GSK3B: variants seen among roughly 807,000 people sequenced by gnomAD.
The protein encoded by GSK3B is glycogen synthase kinase 3 beta.
A neutral mutation model predicts 56.4 loss-of-function variants in GSK3B; 15 were observed. That is an observed-to-expected ratio of 0.27 (90% CI 0.18 to 0.41). The LOEUF (loss-of-function observed/expected upper bound fraction) is 0.41. GSK3B is among the 10% of genes least tolerant of loss of function. The pLI is 1.00. For missense variants in GSK3B, 300 were observed against 513.4 expected (o/e 0.58, Z 4.02); for synonymous variants, 181 against 188.9 (o/e 0.96, Z 0.34).
chr3:119,829,411 T>C (rs922505894), intron 10 of GSK3B, among the ~76,000 whole-genome samples: 1 of 152,182 alleles, frequency 6.6e-6, no homozygotes, highest in Non-Finnish European at 1.5e-5. Flanking sequence ...GGTAGAACTG[T>C]CATTCTGGTC....
chr3:119,828,763 G>A (rs550742315), intron 10 of GSK3B, among the ~76,000 whole-genome samples: 2 of 152,280 alleles, frequency 1.3e-5, no homozygotes, highest in East Asian at 1.9e-4. Context: ...TTCCCGATAA[G>A]CTGCCCTTAT....
At chr3:120,042,092 G>T (rs751327437) in intron 1 of GSK3B, among the ~76,000 whole-genome samples, 1 of 152,206 alleles carries the variant, frequency 6.6e-6, no homozygotes, top group South Asian at 2.1e-4. Context: ...AGAGAAAATC[G>T]CTATTGTCTA....
chr3:119,880,263 T>C (rs1467047046), intron 7 of GSK3B, among the ~76,000 whole-genome samples: 1 of 152,238 alleles, frequency 6.6e-6, no homozygotes, highest in African/African-American at 2.4e-5. Context: ...CATCTGTATG[T>C]ATCCTTTTGA....
chr3:119,843,090 T>C lies in GSK3B; in HGVS notation c.1195+165A>G, dbSNP rs1468246693. Among the ~76,000 whole-genome samples, 9 of 152,018 alleles carry C rather than the reference T, an allele frequency of 5.9e-5. 1 individual carries two copies. The highest frequency in any genetic ancestry group is 5.2e-4 in the Admixed American group (8 of 15,264). The stretch of plus-strand genomic sequence containing the variant: ...GCCACCACACCTGGCTAAGTTTTTA[T>C]TTTTAGTAGAGACAAGGTTTCACCT... On this transcript the variant is annotated intron_variant, in intron 10 of 10. Transcript: ENST00000264235.
chr3:119,833,509 A>C (rs1484177154), intron 10 of GSK3B, among the ~76,000 whole-genome samples: 1 of 152,146 alleles, frequency 6.6e-6, no homozygotes, highest in Non-Finnish European at 1.5e-5. Flanking sequence ...ATTGACGTTA[A>C]AGATTAAAAT....
At chr3:119,918,325 T>C (rs1041468790) in intron 4 of GSK3B, among the ~76,000 whole-genome samples, 6 of 151,408 alleles carry the variant, frequency 4.0e-5, no homozygotes, top group Admixed American at 3.9e-4. Flanking sequence ...TGCAAAAAAT[T>C]AGCCGGTCTT....
intron 7 of GSK3B, among the ~76,000 whole-genome samples, chr3:119,895,638 G>A (rs941036651): frequency 6.6e-6 from 1 of 152,104 alleles, no homozygotes; most frequent in Non-Finnish European, 1.5e-5. Flanking sequence ...GGATCCAGTT[G>A]TCCAAGCACC....
intron 1 of GSK3B, among the ~76,000 whole-genome samples, chr3:120,092,111 T>C (rs879421734): frequency 2.6e-5 from 4 of 152,182 alleles, no homozygotes; most frequent in African/African-American, 4.8e-5. Context: ...GGAAACAATA[T>C]AGATATTTTT....
At chr3:120,057,178 G>A (rs984839809) in intron 1 of GSK3B, among the ~76,000 whole-genome samples, 8 of 151,950 alleles carry the variant, frequency 5.3e-5, no homozygotes, top group Non-Finnish European at 1.2e-4. Context: ...AAGAACCTTC[G>A]AACTTACTAG....
At chr3:119,934,486 C>G (rs575491891) in intron 3 of GSK3B, among the ~76,000 whole-genome samples, 1 of 152,256 alleles carries the variant, frequency 6.6e-6, no homozygotes, top group South Asian at 2.1e-4. Context: ...AACTGCCATG[C>G]AGGTAAGTAA....
In GSK3B at chr3:119,823,759, A is replaced by T. The variant is rs2055452212; in HGVS notation, c.*3029T>A. ...GGGCTTCAACGAAATGAAATTACGA[A>T]TATGATTTCCTCTTCCCACTCCTGA... On this transcript the variant is annotated 3_prime_UTR_variant, in exon 11 of 11. Coordinates refer to ENST00000264235, the MANE Select transcript of GSK3B (RefSeq NM_001146156.2). The T allele has an allele frequency of 1.0e-5, 2 of 194,216 alleles. No individual in the cohort carries two copies. The highest frequency in any genetic ancestry group is 2.1e-5 in the Non-Finnish European group (2 of 93,312). The allele number at this position is 194,216 out of a possible 1,614,324, so 12.0% of individuals were successfully genotyped here. A position where few individuals can be genotyped will look rare whatever the true frequency, so the allele number is the denominator to read the frequency against.
In GSK3B at chr3:120,040,866, C is replaced by T. The variant is rs541388592; in HGVS notation, c.89-38627G>A. ...GCCATCCTAGATCCTGCTTCATATC[C>T]TTCCCCTACTCATGTTACTCCTCCT... On this transcript the variant is annotated intron_variant, in intron 1 of 10. Transcript: ENST00000264235. Among the ~76,000 whole-genome samples, 148 of 151,832 alleles carry T rather than the reference C, an allele frequency of 9.7e-4. 1 individual carries two copies. Among genetic ancestry groups the T allele is most frequent in the African/African-American group, 3.5e-3 (144 of 41,404 alleles).
At chr3:119,942,935 A>G (rs2057064257) in intron 3 of GSK3B, among the ~76,000 whole-genome samples, 1 of 152,206 alleles carries the variant, frequency 6.6e-6, no homozygotes, top group Non-Finnish European at 1.5e-5. Flanking sequence ...TGGGTAACAT[A>G]GAGTATACGA....
chr3:120,032,893 C>T (rs2057989582), intron 1 of GSK3B, among the ~76,000 whole-genome samples: 1 of 152,184 alleles, frequency 6.6e-6, no homozygotes, highest in African/African-American at 2.4e-5. Context: ...ACAAATAATT[C>T]ACCCAACTAA....
intron 1 of GSK3B, among the ~76,000 whole-genome samples, chr3:120,008,694 T>C (rs1013348671): frequency 2.0e-5 from 3 of 152,084 alleles, no homozygotes; most frequent in African/African-American, 4.8e-5. Flanking sequence ...TTACACCTTA[T>C]AGAAAAATCA....
intron 7 of GSK3B, among the ~76,000 whole-genome samples, chr3:119,888,930 C>T (rs191285637): frequency 3.9e-5 from 6 of 152,116 alleles, no homozygotes; most frequent in East Asian, 1.9e-4. Flanking sequence ...GGAAAAATCC[C>T]GCCCTGGTAA....
chr3:119,827,608 A>AAAAAAT (rs1553721502), intron 10 of GSK3B, among the ~76,000 whole-genome samples: 1 of 94,626 alleles, frequency 1.1e-5, no homozygotes. Flanking sequence ...AAAAAAAAAA[A>AAAAAAT]AGAGAGAGAG....
In GSK3B at chr3:119,823,919, T is replaced by TAA. The variant is rs1012317237; in HGVS notation, c.*2867_*2868dup. ...AATTAAAATTTAAAAAAGAACAAAT[T>TAA]AAAAAAAAAAACACATGGAAGCGAA... is the stretch of plus-strand genomic sequence containing the variant. On this transcript the variant is annotated 3_prime_UTR_variant, in exon 11 of 11. Transcript: ENST00000264235. 1.2e-4 allele frequency: 22 copies of TAA among 176,844 alleles called. No individual in the cohort carries two copies. The highest frequency in any genetic ancestry group is 2.1e-4 in the South Asian group (1 of 4,782). 11.0% of individuals were successfully genotyped at this position (176,844 alleles called of 1,614,324 possible). A position where few individuals can be genotyped will look rare whatever the true frequency, so the allele number is the denominator to read the frequency against.
chr3:119,952,422 A>G (rs1401779959), intron 2 of GSK3B, among the ~76,000 whole-genome samples: 10 of 148,586 alleles, frequency 6.7e-5, no homozygotes, highest in Non-Finnish European at 1.5e-4. Context: ...CGGGAGGCAG[A>G]GGTTGCAGTG....
Sources: gnomAD v4.1 joint callset for allele counts (sites outside exome capture counted in the v4.1 genomes callset) on GRCh38, gnomAD v4.1.1 for gene constraint, MANE v1.5 for transcripts, NCBI Gene and HGNC (gene_info 2026-07-23, HGNC 2026-07-21) for gene names.